GLI3: variants seen among roughly 807,000 people sequenced by gnomAD.
GLI3 encodes GLI family zinc finger 3.
GLI3 carries 20 observed loss-of-function variants against 100.8 expected under a neutral mutation model. The ratio of observed to expected loss-of-function variants is 0.20; its 90% CI spans 0.14 to 0.29. The LOEUF (loss-of-function observed/expected upper bound fraction) is 0.29, where lower values mean the gene tolerates loss of function less well. Ranked by LOEUF, GLI3 falls within the 10% of genes least tolerant of loss-of-function variation. The pLI, the probability that GLI3 is intolerant of heterozygous loss-of-function variation, is 1.00. For synonymous variants in GLI3, 938 were observed against 860.5 expected (o/e 1.09, Z -1.58); for missense variants, 2,040 against 2,128.5 (o/e 0.96, Z 0.82).
intron 2 of GLI3, among the ~76,000 whole-genome samples, chr7:42,201,276 T>C (rs927137102): frequency 1.3e-5 from 2 of 152,190 alleles, no homozygotes; most frequent in African/African-American, 4.8e-5. Context: ...TGGACCATGA[T>C]TGACCATGGG....
At chr7:42,166,973 A>AT (rs1233371884) in intron 2 of GLI3, among the ~76,000 whole-genome samples, 25 of 152,102 alleles carry the variant, frequency 1.6e-4, no homozygotes. Flanking sequence ...TTACAGGTAC[A>AT]TGCCACCACG....
chr7:42,002,064 AC>A (rs1788317189), intron 10 of GLI3, among the ~76,000 whole-genome samples: 2 of 37,900 alleles, frequency 5.3e-5, no homozygotes, highest in African/African-American at 8.7e-4. Flanking sequence ...AGACACACAC[AC>A]ACACACACAC....
intron 4 of GLI3, among the ~76,000 whole-genome samples, chr7:42,076,532 T>G (rs560635332): frequency 6.6e-6 from 1 of 152,304 alleles, no homozygotes; most frequent in South Asian, 2.1e-4. Flanking sequence ...ATATAGGAAA[T>G]ACTTGTCGGC....
At chr7:42,145,041 G>A (rs139700622) in intron 3 of GLI3, among the ~76,000 whole-genome samples, 14 of 152,308 alleles carry the variant, frequency 9.2e-5, no homozygotes, top group African/African-American at 2.9e-4. Flanking sequence ...AAAACTGTAT[G>A]TCTCATTTTA....
At chr7:42,229,048 T>C (rs998592666) in intron 1 of GLI3, among the ~76,000 whole-genome samples, 1 of 152,194 alleles carries the variant, frequency 6.6e-6, no homozygotes, top group Non-Finnish European at 1.5e-5. Flanking sequence ...ACTAAAATGT[T>C]TAAAAATAAA....
chr7:42,015,225 G>C (rs967988195), intron 10 of GLI3, among the ~76,000 whole-genome samples: 1 of 152,140 alleles, frequency 6.6e-6, no homozygotes, highest in African/African-American at 2.4e-5. Flanking sequence ...ATGAAAGACA[G>C]ATCTCCAACA....
chr7:42,004,715 G>A (rs1788400921), intron 10 of GLI3, among the ~76,000 whole-genome samples: 1 of 152,234 alleles, frequency 6.6e-6, no homozygotes, highest in East Asian at 1.9e-4. Flanking sequence ...GGGCTCAAGC[G>A]ATGCACCCAC....
chr7:42,252,517 A>T (rs1229981804), intron 1 of GLI3, among the ~76,000 whole-genome samples: 1 of 152,240 alleles, frequency 6.6e-6, no homozygotes, highest in East Asian at 1.9e-4. Context: ...CACACTTAAC[A>T]TATAGTGCAC....
At chr7:42,170,266 T>TTATATA (rs148558582) in intron 2 of GLI3, among the ~76,000 whole-genome samples, 6 of 137,682 alleles carry the variant, frequency 4.4e-5, no homozygotes, top group Admixed American at 2.9e-4. Context: ...AAAAAAAAAA[T>TTATATA]TATATATATA....
In GLI3 at chr7:41,965,837, G is replaced by A; in HGVS notation, c.3236C>T (p.Thr1079Ile). 2.5e-6 allele frequency: 4 copies of A among 1,613,626 alleles called. No individual in the cohort carries two copies. The highest frequency in any genetic ancestry group is 2.2e-5 in the South Asian group (2 of 91,060). ...ITENVTLESLTMDADANLNDE... is the reference protein window; with the variant it reads ...ITENVTLESLIMDADANLNDE... ...GTTCAGGTTGGCATCAGCGTCCATG[G>A]TCAGGGACTCCAGGGTGACGTTCTC... The change falls in exon 15 of 15, where the codon ACC (threonine) becomes ATC (isoleucine). Residue 1079 changes from threonine to isoleucine, a missense_variant. Physicochemically the swap from Thr to Ile is moderately conservative, Grantham distance 89. This residue lies in a region of GLI3 where 1,041 missense variants were observed against 924.0 expected (regional missense o/e 1.13). Coordinates refer to ENST00000395925, the MANE Select transcript of GLI3 (RefSeq NM_000168.6).
intron 4 of GLI3, among the ~76,000 whole-genome samples, chr7:42,069,042 C>T (rs960480857): frequency 2.0e-5 from 3 of 152,164 alleles, no homozygotes; most frequent in Non-Finnish European, 4.4e-5. Flanking sequence ...CCCAGGCCCC[C>T]GCAACAGGTT....
At chr7:42,251,296 C>T (rs900315161) in intron 1 of GLI3, among the ~76,000 whole-genome samples, 1 of 152,148 alleles carries the variant, frequency 6.6e-6, no homozygotes, top group Non-Finnish European at 1.5e-5. Flanking sequence ...GATCATCAGG[C>T]ATTAGATTCT....
intron 2 of GLI3, among the ~76,000 whole-genome samples, chr7:42,170,093 T>C (rs959526084): frequency 1.3e-5 from 2 of 150,800 alleles, no homozygotes; most frequent in Non-Finnish European, 3.0e-5. Flanking sequence ...CTACTAAAAA[T>C]ACAAAAAAAT....
chr7:42,182,201 A>T (rs1321700353), intron 2 of GLI3, among the ~76,000 whole-genome samples: 1 of 152,156 alleles, frequency 6.6e-6, no homozygotes, highest in East Asian at 1.9e-4. Flanking sequence ...GTGGCCGGTG[A>T]GCACTTCAAA....
chr7:42,054,723 C>A (rs908925920), intron 4 of GLI3, among the ~76,000 whole-genome samples: 5 of 151,982 alleles, frequency 3.3e-5, no homozygotes, highest in Non-Finnish European at 5.9e-5. Flanking sequence ...GTGGCTCCTG[C>A]CTTTAATATC....
intron 3 of GLI3, among the ~76,000 whole-genome samples, chr7:42,139,534 C>T (rs1050898365): frequency 2.4e-4 from 36 of 152,050 alleles, no homozygotes; most frequent in African/African-American, 8.2e-4. Flanking sequence ...ACAAAATTAG[C>T]GTGGCATGGT....
In GLI3 at chr7:41,966,732, G is replaced by T; in HGVS notation, c.2432-91C>A. 1 of 1,313,884 alleles carries T rather than the reference G, an allele frequency of 7.6e-7. No individual in the cohort carries two copies. Among genetic ancestry groups the T allele is most frequent in the Non-Finnish European group, 1.1e-6 (1 of 918,716 alleles). 81.4% of individuals were successfully genotyped at this position (1,313,884 alleles called of 1,614,324 possible). A position where few individuals can be genotyped will look rare whatever the true frequency, so the allele number is the denominator to read the frequency against. Reference sequence around the variant, plus strand: ...CATGAGCAACCCTTTTCTGTAAAGGGCCAGCTAGGAACTATTTCTGGTGTC... The same window carrying T: ...CATGAGCAACCCTTTTCTGTAAAGGTCCAGCTAGGAACTATTTCTGGTGTC... On this transcript the variant is annotated intron_variant, in intron 14 of 14. Transcript: ENST00000395925. The surrounding 1 kb of genome is among the most constrained non-coding windows in gnomAD (Gnocchi z 5.8).
At chr7:42,127,478 A>G (rs988581702) in intron 3 of GLI3, among the ~76,000 whole-genome samples, 2 of 152,220 alleles carry the variant, frequency 1.3e-5, no homozygotes, top group Non-Finnish European at 2.9e-5. Context: ...TTTAAACAGC[A>G]CACATGCATC....
chr7:42,092,912 C>A (rs1583550774), intron 3 of GLI3, among the ~76,000 whole-genome samples: 1 of 151,810 alleles, frequency 6.6e-6, no homozygotes, highest in African/African-American at 2.4e-5. Context: ...CTCTGGAGTT[C>A]AAGCAATTCT....
Sources: allele counts gnomAD v4.1 joint callset (sites outside exome capture counted in the v4.1 genomes callset), GRCh38; gene constraint gnomAD v4.1.1; regional missense constraint gnomAD v4.1.1; non-coding constraint Gnocchi (gnomAD v3.1); transcripts MANE v1.5; gene names NCBI Gene and HGNC (gene_info 2026-07-23, HGNC 2026-07-21).